The following UBN1 variants were observed in gnomAD, a reference collection of about 807,000 sequenced individuals.
UBN1 encodes ubinuclein-1.
UBN1 carries 17 observed loss-of-function variants against 108.5 expected under a neutral mutation model. The ratio of observed to expected loss-of-function variants is 0.16; its 90% CI spans 0.11 to 0.24. The LOEUF is 0.24. Among genes scored for constraint, UBN1 ranks in the 10% least tolerant of loss-of-function variants. UBN1 has a pLI of 1.00. For synonymous variants in UBN1, 726 were observed against 564.2 expected, an observed-to-expected ratio of 1.29 and a Z score of -4.07; for missense variants, 1,595 against 1,394.4, an observed-to-expected ratio of 1.14 and a Z score of -2.29.
Position 4,880,121 on chromosome 16 carries a change from C to A in UBN1, c.3394C>A (p.Arg1132=). Residue 1132 remains arginine, a synonymous_variant, in exon 18 of 18, where the codon CGG becomes AGG. Transcript: ENST00000262376. ...QLHGKGPAVP[R]KL Reference sequence around the variant, plus strand: ...TCACGGGAAAGGGCCTGCTGTACCACGGAAATTGTGACCGCTTCAGAGGCA... The same window carrying A: ...TCACGGGAAAGGGCCTGCTGTACCAAGGAAATTGTGACCGCTTCAGAGGCA... 6.2e-7 allele frequency: 1 copy of A among 1,613,862 alleles called. No homozygotes were observed. Among genetic ancestry groups the A allele is most frequent in the East Asian group, 2.2e-5 (1 of 44,900 alleles).
At position 4,880,109 on chromosome 16, in the gene UBN1, C is replaced by T. The variant is rs757812843; in HGVS notation, c.3382C>T (p.Pro1128Ser). Residue 1128 changes from proline to serine, a missense_variant, in exon 18 of 18, where the codon CCT (proline) becomes TCT (serine). By Grantham distance (74) the Pro-to-Ser change is moderately conservative. Transcript: ENST00000262376. Reference sequence around the variant, plus strand: ...TGCTTCTCAGCTTCACGGGAAAGGGCCTGCTGTACCACGGAAATTGTGACC... The same window carrying T: ...TGCTTCTCAGCTTCACGGGAAAGGGTCTGCTGTACCACGGAAATTGTGACC... ...PGASQLHGKGPAVPRKL is the reference protein window; with the variant it reads ...PGASQLHGKGSAVPRKL 6 of 1,613,980 alleles carry T rather than the reference C, an allele frequency of 3.7e-6. No individual in the cohort carries two copies. In the East Asian group the frequency reaches 1.3e-4, roughly 36 times the overall value.
intron 7 of UBN1, among the ~76,000 whole-genome samples, chr16:4,865,428 C>A (rs1265540049): frequency 6.6e-6 from 1 of 152,100 alleles, no homozygotes; most frequent in Non-Finnish European, 1.5e-5. Flanking sequence ...TGCCTGTAAT[C>A]GCAGTACTTT....
Position 4,874,586 on chromosome 16 carries a change from C to G in UBN1, c.2176C>G (p.Pro726Ala). Residue 726 changes from proline (P) to alanine (A), a missense_variant, in exon 15 of 18, where the codon CCA (proline) becomes GCA (alanine). Pro to Ala is a conservative substitution (Grantham distance 27, BLOSUM62 -1). Transcript: ENST00000262376. ...CTTTGCGAAGCCTAGTCCTTCTGCT[C>G]CACCACCAGCTAGCTCTCTGCAGTC... ...RNFAKPSPSA[P>A]PPASSLQSPL... is the part of the protein sequence containing the mutation. 1 of 1,614,238 alleles carries G rather than the reference C, an allele frequency of 6.2e-7. No individual in the cohort carries two copies. The highest frequency in any genetic ancestry group is 8.5e-7 in the Non-Finnish European group (1 of 1,180,032).
chr16:4,870,583 T>G lies in UBN1; in HGVS notation c.1379T>G (p.Met460Arg). The change falls in exon 10 of 18, where the codon ATG (methionine) becomes AGG (arginine). Residue 460 changes from methionine to arginine, a missense_variant. Met to Arg is a moderately conservative substitution (Grantham distance 91, BLOSUM62 -1). Coordinates refer to ENST00000262376, the MANE Select transcript of UBN1 (RefSeq NM_001079514.3). ...EAIGRAMPEQ[M>R]AKYQDECQAH... ...ATTGGCAGGGCGATGCCAGAGCAGA[T>G]GGCCAAGTACCAGGACGAATGCCAG... 6.2e-7 allele frequency: 1 copy of G among 1,614,230 alleles called. No homozygotes were observed. Among genetic ancestry groups the G allele is most frequent in the Non-Finnish European group, 8.5e-7 (1 of 1,180,044 alleles).
intron 7 of UBN1, among the ~76,000 whole-genome samples, chr16:4,864,937 A>T (rs535218999): frequency 6.6e-6 from 1 of 152,336 alleles, no homozygotes; most frequent in East Asian, 1.9e-4. Context: ...ACTCAGCAAA[A>T]ACAGATACAG....
chr16:4,868,881 G>A lies in UBN1; in HGVS notation c.1159G>A (p.Asp387Asn). 6.2e-7 allele frequency: 1 copy of A among 1,613,956 alleles called. No individual in the cohort carries two copies. Among genetic ancestry groups the A allele is most frequent in the Non-Finnish European group, 8.5e-7 (1 of 1,179,866 alleles). Residue 387 changes from aspartate (D) to asparagine (N), a missense_variant, in exon 8 of 18, where the codon GAT (aspartate) becomes AAT (asparagine). By Grantham distance (23) the Asp-to-Asn change is conservative (BLOSUM62 1). Transcript: ENST00000262376. ...GAGCAGACAGAAGTTCTTCACCCAG[G>A]ATATTAATGGAATCCTATTAGAGTG... ...GESRQKFFTQ[D>N]INGILLDIEA... is the part of the protein sequence containing the mutation.
At chr16:4,875,962 CT>C (rs35899089) in intron 15 of UBN1, among the ~76,000 whole-genome samples, 1,848 of 141,116 alleles carry the variant, frequency 0.013, 13 homozygotes, top group Middle Eastern at 0.033. Context: ...TTCTTTTTTT[CT>C]TTTTTTTTTT....
At chr16:4,858,871 C>G in intron 4 of UBN1, 154 bp from the exon 5 acceptor site, 2 of 1,105,190 alleles carry the variant, frequency 1.8e-6, no homozygotes, top group Non-Finnish European at 2.6e-6. Context: ...TCCAAAACAC[C>G]TTGTAGCTCA....
At chr16:4,849,911 A>C (rs1488081164) in intron 1 of UBN1, among the ~76,000 whole-genome samples, 1 of 131,306 alleles carries the variant, frequency 7.6e-6, no homozygotes, top group African/African-American at 3.0e-5. Flanking sequence ...GTGCCACTGC[A>C]CTCCAGCCTG....
At position 4,877,203 on chromosome 16, in the gene UBN1, G is replaced by A; in HGVS notation, c.3265+92G>A. 6.6e-7 allele frequency: 1 copy of A among 1,524,938 alleles called. No individual in the cohort carries two copies. The highest frequency in any genetic ancestry group is 8.8e-7 in the Non-Finnish European group (1 of 1,139,914). The allele number at this position is 1,524,938 out of a possible 1,614,324, so 94.5% of individuals were successfully genotyped here. On this transcript the variant is annotated intron_variant, in intron 16 of 17. Coordinates refer to ENST00000262376, the MANE Select transcript of UBN1 (RefSeq NM_001079514.3). This position sits in a 1 kb window ranked among gnomAD's most constrained non-coding sequence, Gnocchi z 4.3. Reference sequence around the variant, plus strand: ...TGTGTACTCTGGTTCCTGTGTTTGAGTCTGGTGTGTGACTGTGGGGAACAT... The same window carrying A: ...TGTGTACTCTGGTTCCTGTGTTTGAATCTGGTGTGTGACTGTGGGGAACAT...
At chr16:4,858,430 G>A (rs2086906881) in intron 3 of UBN1, 138 bp from the exon 4 acceptor site, 1 of 713,364 alleles carries the variant, frequency 1.4e-6, no homozygotes, top group African/African-American at 1.8e-5. Flanking sequence ...GGAGGTTTTG[G>A]GGTTTGTGTG....
At chr16:4,865,134 G>T (rs1348825533) in intron 7 of UBN1, among the ~76,000 whole-genome samples, 2 of 152,074 alleles carry the variant, frequency 1.3e-5, no homozygotes, top group African/African-American at 4.8e-5. Context: ...TCTCTTTTTA[G>T]GGGTGAGGGA....
intron 1 of UBN1, chr16:4,848,515 C>G (rs531532172): frequency 1.3e-5 from 2 of 152,312 alleles, no homozygotes; most frequent in Admixed American, 1.3e-4. Flanking sequence ...GGTGGCGAGT[C>G]GACACGCATT....
chr16:4,860,437 C>T (rs1039122185), intron 6 of UBN1, among the ~76,000 whole-genome samples: 2 of 152,204 alleles, frequency 1.3e-5, no homozygotes, highest in Non-Finnish European at 2.9e-5. Context: ...AAAAACCCGT[C>T]GGAAATTTAG....
chr16:4,876,029 G>A (rs1173937122), intron 15 of UBN1, among the ~76,000 whole-genome samples: 1 of 151,414 alleles, frequency 6.6e-6, no homozygotes, highest in African/African-American at 2.4e-5. Context: ...CGCTATCTCG[G>A]CTCAGCGCAA....
chr16:4,859,467 C>CTT, intron 5 of UBN1, among the ~76,000 whole-genome samples: 1 of 152,340 alleles, frequency 6.6e-6, no homozygotes, highest in Middle Eastern at 3.4e-3. Context: ...GTGTACCACT[C>CTT]TTGCTGACCC....
intron 1 of UBN1, 73 bp from the exon 2 acceptor site, chr16:4,852,806 A>G: frequency 7.3e-7 from 1 of 1,366,276 alleles, no homozygotes; most frequent in Non-Finnish European, 9.9e-7. Context: ...CTTAAACTTA[A>G]ATCTCTTTAA....
intron 9 of UBN1, 31 bp from the exon 10 acceptor site, chr16:4,870,485 C>T: frequency 1.2e-6 from 2 of 1,613,850 alleles, no homozygotes; most frequent in South Asian, 2.2e-5. Context: ...GATGTGTAAA[C>T]CTGCCTTGAA....
At chr16:4,857,326 G>C (rs1171984240) in intron 2 of UBN1, among the ~76,000 whole-genome samples, 1 of 148,414 alleles carries the variant, frequency 6.7e-6, no homozygotes, top group Non-Finnish European at 1.5e-5. Flanking sequence ...ACTGCAGCCT[G>C]AGTGACAGAG....
Sources: allele counts gnomAD v4.1 joint callset (sites outside exome capture counted in the v4.1 genomes callset), GRCh38; gene constraint gnomAD v4.1.1; non-coding constraint Gnocchi (gnomAD v3.1); transcripts MANE v1.5; gene names NCBI Gene and HGNC (gene_info 2026-07-23, HGNC 2026-07-21).